CEACAM16: variants seen among roughly 807,000 people sequenced by gnomAD.
CEACAM16 encodes cell adhesion molecule CEACAM16.
In CEACAM16, 30 loss-of-function variants were observed where a neutral mutation model predicts 39.4. The observed-to-expected ratio is 0.76, with a 90% CI of 0.57 to 1.03. The LOEUF (loss-of-function observed/expected upper bound fraction) is 1.03. Ranked by LOEUF, CEACAM16 falls within the 50% of genes least tolerant of loss-of-function variation. The pLI is 0.00. For synonymous variants in CEACAM16, 262 were observed against 264.9 expected, an observed-to-expected ratio of 0.99 and a Z score of 0.11; for missense variants, 521 against 585.3, an observed-to-expected ratio of 0.89 and a Z score of 1.13.
rs965227224 is a variant in CEACAM16 at position 44,707,999 on chromosome 19, G to A, written c.1079G>A (p.Arg360Gln). The change falls in exon 6 of 7, where the codon CGG (arginine) becomes CAG (glutamine). Residue 360 changes from arginine to glutamine, a missense_variant. By Grantham distance (43) the Arg-to-Gln change is conservative. Transcript: ENST00000587331. Reference protein sequence around the residue: ...WYRGPASEPNRLLSQLPSGTW... With the variant: ...WYRGPASEPNQLLSQLPSGTW... ...CGCGGGCCTGCCTCCGAGCCCAACC[G>A]GCTGCTCAGCCAGCTGCCGTCAGGA... 1.1e-5 allele frequency: 18 copies of A among 1,608,968 alleles called. No homozygotes were observed. The highest frequency in any genetic ancestry group is 2.7e-5 in the African/African-American group (2 of 74,846).
At chr19:44,699,520 G>A (rs533906268) in intron 1 of CEACAM16, 82 of 431,304 alleles carry the variant, frequency 1.9e-4, no homozygotes, top group Non-Finnish European at 3.5e-4. Context: ...GGGATTACAG[G>A]TGCCCGCGAC....
intron 1 of CEACAM16, among the ~76,000 whole-genome samples, chr19:44,700,573 C>A (rs1974329714): frequency 6.6e-6 from 1 of 152,228 alleles, no homozygotes; most frequent in Non-Finnish European, 1.5e-5. Context: ...GCCAGTGCAC[C>A]CGGCCATCAT....
intron 5 of CEACAM16, among the ~76,000 whole-genome samples, chr19:44,706,503 A>G (rs1974452226): frequency 6.6e-6 from 1 of 152,120 alleles, no homozygotes; most frequent in African/African-American, 2.4e-5. Context: ...GGCCTCATTA[A>G]TTCTACCTCG....
chr19:44,708,730 A>T (rs1306065961), intron 6 of CEACAM16, among the ~76,000 whole-genome samples: 1 of 152,054 alleles, frequency 6.6e-6, no homozygotes, highest in Non-Finnish European at 1.5e-5. Context: ...CTATCATCAG[A>T]TGGTGGAGTT....
At position 44,705,869 on chromosome 19, in the gene CEACAM16, G is replaced by A; in HGVS notation, c.940+1G>A. 6.2e-7 allele frequency: 1 copy of A among 1,609,438 alleles called. No individual in the cohort carries two copies. Among genetic ancestry groups the A allele is most frequent in the South Asian group, 1.1e-5 (1 of 90,950 alleles). ...GCCTCAGTCGTGGTCAAGCTCTCTG[G>A]TGAGTCACCCCCAGCCTGACCACCC... On this transcript the variant is annotated splice_donor_variant, in intron 5 of 6. Coordinates refer to ENST00000587331, the MANE Select transcript of CEACAM16 (RefSeq NM_001039213.4). LOFTEE classifies it high-confidence loss of function.
intron 1 of CEACAM16, among the ~76,000 whole-genome samples, chr19:44,699,826 AT>A (rs949837892): frequency 3.9e-5 from 6 of 152,046 alleles, no homozygotes; most frequent in African/African-American, 1.4e-4. Context: ...TATCATCTCT[AT>A]TTTTTTGTTT....
At chr19:44,702,137 C>T (rs1974356980) in intron 2 of CEACAM16, among the ~76,000 whole-genome samples, 1 of 151,924 alleles carries the variant, frequency 6.6e-6, no homozygotes. Flanking sequence ...TACTAAAATA[C>T]AAAAAATTAG....
Position 44,704,051 on chromosome 19 carries a change from G to A in CEACAM16, c.416G>A (p.Ser139Asn). 6.2e-7 allele frequency: 1 copy of A among 1,609,568 alleles called. No homozygotes were observed. Among genetic ancestry groups the A allele is most frequent in the Non-Finnish European group, 8.5e-7 (1 of 1,178,394 alleles). Reference protein sequence around the residue: ...ILAQPTVLANSTALVERRDTL... With the variant: ...ILAQPTVLANNTALVERRDTL... ...GCCCAGCCCACAGTCTTGGCCAACA[G>A]CACAGCGCTGGTGGAACGTCGAGAC... is the stretch of plus-strand genomic sequence containing the variant. Residue 139 changes from serine (S) to asparagine (N), a missense_variant, in exon 4 of 7, where the codon AGC (serine) becomes AAC (asparagine). Coordinates refer to ENST00000587331, the MANE Select transcript of CEACAM16 (RefSeq NM_001039213.4).
chr19:44,705,694 T>A lies in CEACAM16; in HGVS notation c.766T>A (p.Ser256Thr). The A allele has an allele frequency of 6.2e-7, 1 of 1,613,950 alleles. No homozygotes were observed. The highest frequency in any genetic ancestry group is 8.5e-7 in the Non-Finnish European group (1 of 1,179,860). The change falls in exon 5 of 7, where the codon TCC becomes ACC. Residue 256 changes from serine to threonine, a missense_variant. Transcript: ENST00000587331. The part of the protein sequence containing the change: ...TSLTLWCVSR[S>T]CPEPEYVWTF... ...CCTCACCCTGTGGTGCGTGTCCAGGTCCTGCCCAGAGCCCGAGTATGTGTG... is the reference window on the plus strand; with the variant it reads ...CCTCACCCTGTGGTGCGTGTCCAGGACCTGCCCAGAGCCCGAGTATGTGTG...
intron 5 of CEACAM16, 62 bp downstream of exon 5, chr19:44,705,930 G>T: frequency 5.8e-6 from 9 of 1,541,486 alleles, no homozygotes; most frequent in African/African-American, 2.7e-5. Context: ...GGCTGCGAAG[G>T]TTAAGCCACC....
In CEACAM16 at chr19:44,703,364, T is replaced by TG; in HGVS notation, c.58dup (p.Ala20GlyfsTer56). ...TCTTCCTCAGCCACATTCCTGAATG[T>TG]GGGGGCCGAGATCTCTATCACCCTG... On this transcript the variant is annotated frameshift_variant, in exon 3 of 7. Coordinates refer to ENST00000587331, the MANE Select transcript of CEACAM16 (RefSeq NM_001039213.4). LOFTEE classifies it high-confidence loss of function. 1 of 1,609,638 alleles carries TG rather than the reference T, an allele frequency of 6.2e-7. No homozygotes were observed.
intron 6 of CEACAM16, among the ~76,000 whole-genome samples, chr19:44,708,951 G>T (rs1392029119): frequency 6.6e-6 from 1 of 152,082 alleles, no homozygotes; most frequent in African/African-American, 2.4e-5. Flanking sequence ...CCTCAGACTG[G>T]GAGCTCTCAG....
At chr19:44,704,414 G>T in intron 4 of CEACAM16, 118 bp downstream of exon 4, 1 of 1,265,330 alleles carries the variant, frequency 7.9e-7, no homozygotes, top group South Asian at 1.6e-5. Context: ...GCTGGGATTG[G>T]GGACCAGGGA....
rs774355065 is a variant in CEACAM16 at position 44,704,149 on chromosome 19, C to A, written c.514C>A (p.Pro172Thr). Residue 172 changes from proline to threonine, a missense_variant, in exon 4 of 7, where the codon CCC becomes ACC. By Grantham distance (38) the Pro-to-Thr change is conservative (BLOSUM62 -1). Coordinates refer to ENST00000587331, the MANE Select transcript of CEACAM16 (RefSeq NM_001039213.4). ...CTGGTTCTTCAACGGTGGGGCCCTG[C>A]CCGTCGCTCTCCGCCTGGGCCTGTC... ...VRWFFNGGAL[P>T]VALRLGLSPD... 1 of 1,592,100 alleles carries A rather than the reference C, an allele frequency of 6.3e-7. No individual in the cohort carries two copies. Among genetic ancestry groups the A allele is most frequent in the East Asian group, 2.3e-5 (1 of 43,306 alleles).
intron 2 of CEACAM16, among the ~76,000 whole-genome samples, chr19:44,702,288 A>G (rs1381301154): frequency 1.3e-5 from 2 of 151,212 alleles, no homozygotes; most frequent in Non-Finnish European, 3.0e-5. Flanking sequence ...GCAAGACTCC[A>G]TCTCAAAAAA....
rs1331026062 is a variant in CEACAM16 at position 44,708,294 on chromosome 19, A to G, written c.1267+107A>G. ...GGGGGGACATAGACCAAAGATGGAT[A>G]CCCATCCCCCATCAGGCTGAAGGAA... On this transcript the variant is annotated intron_variant, in intron 6 of 6. Transcript: ENST00000587331. The G allele has an allele frequency of 2.6e-6, 3 of 1,141,242 alleles. No homozygotes were observed. In the African/African-American group the frequency reaches 4.7e-5, roughly 18 times the overall value. 70.7% of individuals were successfully genotyped at this position (1,141,242 alleles called of 1,614,324 possible). A position where few individuals can be genotyped will look rare whatever the true frequency, so the allele number is the denominator to read the frequency against.
At position 44,708,145 on chromosome 19, in the gene CEACAM16, C is replaced by T. The variant is rs748518854; in HGVS notation, c.1225C>T (p.Gln409Ter). 1.3e-6 allele frequency: 2 copies of T among 1,593,796 alleles called. No homozygotes were observed. The highest frequency in any genetic ancestry group is 2.3e-5 in the East Asian group (1 of 44,078). ...CTACACACTCAAGACTGTCACAGTG[C>T]AGGGCAAGACTGAGACACTGGAAGT... Reference protein sequence around the residue: ...GRYTLKTVTVQGKTETLEVEL... With the variant: ...GRYTLKTVTV The change falls in exon 6 of 7, where the codon CAG becomes TAG. Residue 409 changes from glutamine (Q) to a stop codon, truncating the protein, a stop_gained. Coordinates refer to ENST00000587331, the MANE Select transcript of CEACAM16 (RefSeq NM_001039213.4). LOFTEE classifies it high-confidence loss of function.
intron 3 of CEACAM16, 141 bp from the exon 4 acceptor site, chr19:44,703,877 C>G: frequency 8.9e-7 from 1 of 1,124,698 alleles, no homozygotes; most frequent in East Asian, 2.6e-5. Context: ...TTAGACCTGC[C>G]TCCTAAAACC....
chr19:44,705,045 A>G (rs1397832535), intron 4 of CEACAM16, among the ~76,000 whole-genome samples: 1 of 152,198 alleles, frequency 6.6e-6, no homozygotes, highest in Admixed American at 6.5e-5. Flanking sequence ...CATGATGTAG[A>G]AAAACTTAGT....
Sources: allele counts gnomAD v4.1 joint callset (sites outside exome capture counted in the v4.1 genomes callset), GRCh38; gene constraint gnomAD v4.1.1; transcripts MANE v1.5; gene names NCBI Gene and HGNC (gene_info 2026-07-23, HGNC 2026-07-21).